The following CIT variants were observed in gnomAD, a reference collection of about 807,000 sequenced individuals.
CIT encodes the protein citron rho-interacting serine/threonine kinase, also known as citron Rho-interacting kinase.
A neutral mutation model predicts 272.7 loss-of-function variants in CIT; 79 were observed. The observed-to-expected ratio is 0.29, with a 90% confidence interval of 0.24 to 0.35. The LOEUF is 0.35. Ranked by LOEUF, CIT falls within the 10% of genes least tolerant of loss-of-function variation. The pLI is 1.00. For missense variants in CIT, 1,909 were observed against 2,618.3 expected, an observed-to-expected ratio of 0.73 and a Z score of 5.91; for synonymous variants, 948 against 995.6, an observed-to-expected ratio of 0.95 and a Z score of 0.90.
At chr12:119,845,943 A>AACACACACACACACACACAC (rs58381184) in intron 5 of CIT, among the ~76,000 whole-genome samples, 4 of 137,052 alleles carry the variant, frequency 2.9e-5, no homozygotes, top group East Asian at 2.2e-4. Context: ...TCCATCTCAA[A>AACACACACACACACACACAC]ACACACACAC....
At chr12:119,821,856 G>A (rs1422855266) in intron 9 of CIT, among the ~76,000 whole-genome samples, 1 of 152,120 alleles carries the variant, frequency 6.6e-6, no homozygotes, top group East Asian at 1.9e-4. Flanking sequence ...CATTTGCCAA[G>A]AAAGATTTAT....
At chr12:119,855,198 G>A (rs1970505536) in intron 4 of CIT, among the ~76,000 whole-genome samples, 1 of 151,988 alleles carries the variant, frequency 6.6e-6, no homozygotes, top group African/African-American at 2.4e-5. Context: ...CGAGGTGGGC[G>A]AATCATGAGG....
At chr12:119,714,369 C>T (rs746694404) in intron 32 of CIT, 35 bp from the exon 33 acceptor site, 2 of 1,610,708 alleles carry the variant, frequency 1.2e-6, no homozygotes, top group East Asian at 2.2e-5. Flanking sequence ...CATTAGAGTA[C>T]TGCAAATGAT....
At chr12:119,717,838 C>CTTGTTTTTTTTTTTTTTTT (rs1957600385) in intron 32 of CIT, among the ~76,000 whole-genome samples, 1 of 81,332 alleles carries the variant, frequency 1.2e-5, no homozygotes, top group Non-Finnish European at 2.3e-5. Context: ...TGACTTCTTT[C>CTTGTTTTTTTTTTTTTTTT]TTTTTTTTTT....
chr12:119,747,350 G>C lies in CIT; in HGVS notation c.2904+4700C>G, dbSNP rs138713749. Among the ~76,000 whole-genome samples the C allele has an allele frequency of 6.3e-4, 96 of 151,942 alleles. 1 individual carries two copies. In the East Asian group the frequency reaches 0.015, roughly 23 times the overall value. On this transcript the variant is annotated intron_variant, in intron 23 of 47. Transcript: ENST00000392521. ...GTAGGAAAATCGCTTGAACCCAGGA[G>C]GTGGAGGTTGCAGTGAGCCAAGATC...
rs147955236 is a variant in CIT, at chr12:119,732,253, T to C, written c.3351-1623A>G. 9.6e-4 allele frequency among the ~76,000 whole-genome samples: 146 copies of C among 152,282 alleles called. 1 individual carries two copies. Among genetic ancestry groups the C allele is most frequent in the African/African-American group, 3.5e-3 (144 of 41,560 alleles). The stretch of plus-strand genomic sequence containing the variant: ...AAAAGAAAGGCACGATCTTCCACAA[T>C]TGCCCTGAAAGCAGACATGAAATGA... On this transcript the variant is annotated intron_variant, in intron 26 of 47. Transcript: ENST00000392521.
chr12:119,800,250 C>G (rs1966076601), intron 10 of CIT, among the ~76,000 whole-genome samples: 2 of 152,158 alleles, frequency 1.3e-5, no homozygotes, highest in South Asian at 4.1e-4. Context: ...CAGCTACTCA[C>G]TCTCCAAGAC....
chr12:119,764,428 A>G (rs934926362), intron 19 of CIT, among the ~76,000 whole-genome samples: 2 of 152,170 alleles, frequency 1.3e-5, no homozygotes, highest in Admixed American at 6.5e-5. Context: ...AGTAAAAAAT[A>G]TAACAACCGA....
chr12:119,732,657 G>C (rs1341793106), intron 26 of CIT, among the ~76,000 whole-genome samples: 1 of 152,220 alleles, frequency 6.6e-6, no homozygotes, highest in Non-Finnish European at 1.5e-5. Context: ...GAGCTCAACT[G>C]AACTTTGCGT....
chr12:119,866,247 C>T (rs1950511865), intron 3 of CIT, among the ~76,000 whole-genome samples: 1 of 152,192 alleles, frequency 6.6e-6, no homozygotes, highest in Non-Finnish European at 1.5e-5. Context: ...TCTTGGGATT[C>T]ATGACCTTGT....
At chr12:119,707,627 G>A (rs1210349080) in intron 40 of CIT, among the ~76,000 whole-genome samples, 4 of 151,874 alleles carry the variant, frequency 2.6e-5, no homozygotes, top group Admixed American at 6.6e-5. Context: ...TCAGCCTCCC[G>A]AGTAGCTGGG....
chr12:119,838,583 T>C (rs1969185598), intron 5 of CIT, among the ~76,000 whole-genome samples: 1 of 152,184 alleles, frequency 6.6e-6, no homozygotes, highest in African/African-American at 2.4e-5. Flanking sequence ...GACCCACTGC[T>C]GAGGAGGCTG....
chr12:119,851,716 A>T (rs1471857688), intron 4 of CIT, among the ~76,000 whole-genome samples: 1 of 152,230 alleles, frequency 6.6e-6, no homozygotes. Context: ...CATCACTTGA[A>T]AGTAACTCCC....
Position 119,784,815 on chromosome 12 carries a change from G to A in CIT, c.1401+145C>T. On this transcript the variant is annotated intron_variant, in intron 11 of 47. Transcript: ENST00000392521. The surrounding 1 kb of genome is among the most constrained non-coding windows in gnomAD (Gnocchi z 4.7). ...ATTCATCTCCCTCTGAGCTGCTGGA[G>A]GCGCGACTTCAGCGAAGGCAGGAGC... 39 of 1,446,456 alleles carry A rather than the reference G, an allele frequency of 2.7e-5. No individual in the cohort carries two copies. The highest frequency in any genetic ancestry group is 3.5e-5 in the Non-Finnish European group (39 of 1,100,862). 89.6% of individuals were successfully genotyped at this position (1,446,456 alleles called of 1,614,324 possible).
chr12:119,818,951 C>T (rs937678142), intron 9 of CIT, among the ~76,000 whole-genome samples: 7 of 152,236 alleles, frequency 4.6e-5, no homozygotes, highest in African/African-American at 9.6e-5. Flanking sequence ...AGCAGGTACA[C>T]GATGCCAGGC....
intron 23 of CIT, among the ~76,000 whole-genome samples, chr12:119,744,488 C>T (rs144767185): frequency 2.0e-5 from 3 of 151,422 alleles, no homozygotes; most frequent in East Asian, 1.9e-4. Context: ...TTTGGGAAGC[C>T]GAGGCGGGCA....
At chr12:119,751,277 C>T (rs1018810307) in intron 23 of CIT, among the ~76,000 whole-genome samples, 1 of 151,904 alleles carries the variant, frequency 6.6e-6, no homozygotes, top group Non-Finnish European at 1.5e-5. Context: ...GTTGCATTTC[C>T]CCCTTCAAGT....
intron 3 of CIT, among the ~76,000 whole-genome samples, chr12:119,864,020 T>G (rs1323500770): frequency 1.3e-5 from 2 of 152,100 alleles, no homozygotes; most frequent in Admixed American, 1.3e-4. Context: ...TTTCTATTGT[T>G]TATAAATTGC....
rs1247273926 is a variant in CIT, at chr12:119,721,452, A to G, written c.3592-3T>C. Reference sequence around the variant, plus strand: ...ATCTGCTGCTGTAATTTGGCTTGCTAGTGGGGAGAAGGGCCAGGGAAATGC... The same window carrying G: ...ATCTGCTGCTGTAATTTGGCTTGCTGGTGGGGAGAAGGGCCAGGGAAATGC... On this transcript the variant is annotated splice_polypyrimidine_tract_variant and splice_region_variant and intron_variant, in intron 28 of 47. Transcript: ENST00000392521. 3 of 1,601,628 alleles carry G rather than the reference A, an allele frequency of 1.9e-6. No individual in the cohort carries two copies. The highest frequency in any genetic ancestry group is 2.6e-6 in the Non-Finnish European group (3 of 1,170,040).
Sources: allele counts gnomAD v4.1 joint callset (sites outside exome capture counted in the v4.1 genomes callset), GRCh38; gene constraint gnomAD v4.1.1; non-coding constraint Gnocchi (gnomAD v3.1); transcripts MANE v1.5; gene names NCBI Gene and HGNC (gene_info 2026-07-23, HGNC 2026-07-21).